SPACA7: variants seen among roughly 807,000 people sequenced by gnomAD.
SPACA7 encodes the protein sperm acrosome associated 7.
A neutral mutation model predicts 26.3 loss-of-function variants in SPACA7; 19 were observed. The observed-to-expected ratio is 0.72, with a 90% CI of 0.50 to 1.06. The LOEUF (loss-of-function observed/expected upper bound fraction) is 1.06, where lower values mean the gene tolerates loss of function less well. Among genes scored for constraint, SPACA7 ranks in the 50% least tolerant of loss-of-function variants. The probability of loss-of-function intolerance (pLI) is 0.00; values close to 1 mark genes in which losing one functional copy is unlikely to be tolerated. For missense variants in SPACA7, 211 were observed against 229.9 expected (o/e 0.92, Z 0.53); for synonymous variants, 84 against 84.5 (o/e 0.99, Z 0.04).
intron 5 of SPACA7, among the ~76,000 whole-genome samples, chr13:112,406,259 T>A (rs1023658781): frequency 1.3e-5 from 2 of 152,150 alleles, no homozygotes; most frequent in African/African-American, 4.8e-5. Flanking sequence ...CCTTTCTGCC[T>A]CCCTCCAGGC....
rs78740401 is a variant in SPACA7, at chr13:112,430,336, A to G, written c.446-2108A>G. Among the ~76,000 whole-genome samples the G allele has an allele frequency of 7.5e-3, 1,135 of 152,330 alleles. 5 individuals carry two copies. The highest frequency in any genetic ancestry group is 0.012 in the Non-Finnish European group (784 of 68,034). On this transcript the variant is annotated intron_variant, in intron 5 of 6. Transcript: ENST00000283550. ...TGGAAACTCTCCAGGCAGTGCCTGA[A>G]GCAAGCATAGGGCTGCATTCAGCTG...
At chr13:112,423,505 A>G (rs1181774940) in intron 5 of SPACA7, among the ~76,000 whole-genome samples, 1 of 152,170 alleles carries the variant, frequency 6.6e-6, no homozygotes, top group Non-Finnish European at 1.5e-5. Flanking sequence ...GGAACAGCAG[A>G]TCTGTCATAA....
rs1271442790 is a variant in SPACA7, at chr13:112,422,976, C to A, written c.446-9468C>A. On this transcript the variant is annotated intron_variant, in intron 5 of 6. Transcript: ENST00000283550. ...TCTTTGGCCAGCAACTGTTCAAGAA[C>A]AATGTTAACATTACATATAGGAATG... Among the ~76,000 whole-genome samples the A allele has an allele frequency of 3.3e-5, 5 of 152,202 alleles. No homozygotes were observed. In the East Asian group the frequency reaches 9.6e-4, roughly 29 times the overall value.
At chr13:112,421,361 T>C (rs993142044) in intron 5 of SPACA7, among the ~76,000 whole-genome samples, 6 of 152,066 alleles carry the variant, frequency 3.9e-5, no homozygotes, top group Non-Finnish European at 7.4e-5. Flanking sequence ...TAGAGATACA[T>C]ATTTGTAAAG....
At chr13:112,379,399 T>TA (rs982171059) in intron 1 of SPACA7, among the ~76,000 whole-genome samples, 7 of 152,168 alleles carry the variant, frequency 4.6e-5, no homozygotes, top group Non-Finnish European at 1.0e-4. Context: ...ACAAAAGACA[T>TA]AAAATGCATA....
chr13:112,396,891 C>T (rs1449020261), intron 2 of SPACA7, among the ~76,000 whole-genome samples: 1 of 152,194 alleles, frequency 6.6e-6, no homozygotes, highest in Non-Finnish European at 1.5e-5. Flanking sequence ...CCAGACACCT[C>T]GTCCACTCCC....
chr13:112,411,631 G>C (rs1454287396), intron 5 of SPACA7, among the ~76,000 whole-genome samples: 1 of 151,836 alleles, frequency 6.6e-6, no homozygotes, highest in Non-Finnish European at 1.5e-5. Context: ...AACCACCATT[G>C]CACTCTCTAC....
chr13:112,425,742 A>T (rs1276799676), intron 5 of SPACA7, among the ~76,000 whole-genome samples: 1 of 152,100 alleles, frequency 6.6e-6, no homozygotes, highest in African/African-American at 2.4e-5. Context: ...AGAGCTAAAG[A>T]AAAGGATGGT....
At chr13:112,409,599 A>G (rs1307366921) in intron 5 of SPACA7, among the ~76,000 whole-genome samples, 1 of 152,234 alleles carries the variant, frequency 6.6e-6, no homozygotes, top group Admixed American at 6.5e-5. Context: ...TATGCAGCCA[A>G]CAAAAACATG....
At chr13:112,430,941 A>T (rs918134092) in intron 5 of SPACA7, among the ~76,000 whole-genome samples, 14 of 152,190 alleles carry the variant, frequency 9.2e-5, no homozygotes, top group Admixed American at 9.2e-4. Context: ...CTCTAAAAAA[A>T]CTCTGTGTGA....
intron 5 of SPACA7, among the ~76,000 whole-genome samples, chr13:112,421,132 A>G (rs1875926118): frequency 6.6e-6 from 1 of 152,032 alleles, no homozygotes; most frequent in African/African-American, 2.4e-5. Context: ...AATAGTAAAA[A>G]TGAAGTAAAT....
At chr13:112,416,244 G>C (rs1886683166) in intron 5 of SPACA7, among the ~76,000 whole-genome samples, 1 of 151,494 alleles carries the variant, frequency 6.6e-6, no homozygotes, top group Non-Finnish European at 1.5e-5. Context: ...GTAATATTTA[G>C]CTATCTTGCT....
At chr13:112,407,786 G>A (rs1297407817) in intron 5 of SPACA7, among the ~76,000 whole-genome samples, 1 of 152,084 alleles carries the variant, frequency 6.6e-6, no homozygotes, top group African/African-American at 2.4e-5. Flanking sequence ...TTCTACCAGA[G>A]GTACAAGGAG....
chr13:112,405,141 C>A (rs1885904228), intron 5 of SPACA7, among the ~76,000 whole-genome samples: 1 of 151,914 alleles, frequency 6.6e-6, no homozygotes, highest in Non-Finnish European at 1.5e-5. Flanking sequence ...CGCCAACATG[C>A]CCAGCTAATT....
chr13:112,434,062 G>T (rs1877482657), intron 6 of SPACA7, among the ~76,000 whole-genome samples: 1 of 152,146 alleles, frequency 6.6e-6, no homozygotes, highest in Admixed American at 6.5e-5. Flanking sequence ...GGCAACAGAA[G>T]CCCTGGAGGT....
At chr13:112,422,921 A>G (rs945179292) in intron 5 of SPACA7, among the ~76,000 whole-genome samples, 2 of 152,232 alleles carry the variant, frequency 1.3e-5, no homozygotes, top group Non-Finnish European at 2.9e-5. Context: ...AGAATTGTCT[A>G]TTTCAGAAAA....
chr13:112,432,284 G>A (rs1257286697), intron 5 of SPACA7, among the ~76,000 whole-genome samples, 160 bp from the exon 6 acceptor site: 5 of 152,262 alleles, frequency 3.3e-5, no homozygotes, highest in African/African-American at 9.6e-5. Context: ...GGCCTCGCCT[G>A]AGGCTGTGTC....
chr13:112,412,059 A>G (rs1399955982), intron 5 of SPACA7, among the ~76,000 whole-genome samples: 1 of 151,832 alleles, frequency 6.6e-6, no homozygotes, highest in African/African-American at 2.4e-5. Context: ...ACTAGTTTAC[A>G]CTCCCACCAA....
chr13:112,392,259 G>C (rs1040819302), intron 1 of SPACA7, among the ~76,000 whole-genome samples: 4 of 152,198 alleles, frequency 2.6e-5, no homozygotes, highest in Non-Finnish European at 4.4e-5. Context: ...GCAGTGCTCA[G>C]AACCGCCACC....
Sources: allele counts gnomAD v4.1 joint callset (sites outside exome capture counted in the v4.1 genomes callset), GRCh38; gene constraint gnomAD v4.1.1; transcripts MANE v1.5; gene names NCBI Gene and HGNC (gene_info 2026-07-23, HGNC 2026-07-21).